PTPRD: variants seen among roughly 807,000 people sequenced by gnomAD.
The protein encoded by PTPRD is receptor-type tyrosine-protein phosphatase delta.
Under a neutral mutation model 214.5 loss-of-function variants are expected in PTPRD, and 34 were observed. The ratio of observed to expected loss-of-function variants is 0.16; its 90% CI spans 0.12 to 0.21. The LOEUF (loss-of-function observed/expected upper bound fraction) is 0.21. Among genes scored for constraint, PTPRD ranks in the 10% least tolerant of loss-of-function variants. The pLI is 1.00. For synonymous variants in PTPRD, 1,128 were observed against 845.7 expected, an observed-to-expected ratio of 1.33 and a Z score of -5.79; for missense variants, 2,545 against 2,398.7, an observed-to-expected ratio of 1.06 and a Z score of -1.27.
chr9:8,871,804 T>G (rs907751515), intron 11 of PTPRD, among the ~76,000 whole-genome samples: 7 of 152,136 alleles, frequency 4.6e-5, no homozygotes, highest in African/African-American at 1.7e-4. Context: ...TAGCTTAACT[T>G]AATTCAAAAT....
At chr9:9,117,613 G>A (rs1336157778) in intron 10 of PTPRD, among the ~76,000 whole-genome samples, 1 of 152,048 alleles carries the variant, frequency 6.6e-6, no homozygotes, top group African/African-American at 2.4e-5. Context: ...CAAGAGCCAT[G>A]CAGCAACCTC....
chr9:9,490,333 A>T (rs535466810), intron 8 of PTPRD, among the ~76,000 whole-genome samples: 1 of 152,236 alleles, frequency 6.6e-6, no homozygotes, highest in African/African-American at 2.4e-5. Flanking sequence ...ATCTCAATAT[A>T]GATAAATATA....
At chr9:8,723,553 C>A (rs1244188894) in intron 12 of PTPRD, among the ~76,000 whole-genome samples, 2 of 152,170 alleles carry the variant, frequency 1.3e-5, no homozygotes, top group African/African-American at 2.4e-5. Context: ...TGGAGGCACA[C>A]TGTAGTCATG....
intron 4 of PTPRD, among the ~76,000 whole-genome samples, chr9:10,000,655 A>C (rs555782017): frequency 3.3e-5 from 5 of 152,344 alleles, no homozygotes; most frequent in South Asian, 2.1e-4. Context: ...TTTTCTTTTA[A>C]TAAAAACAGC....
intron 10 of PTPRD, among the ~76,000 whole-genome samples, chr9:9,146,286 G>A (rs934760802): frequency 2.0e-5 from 3 of 151,990 alleles, no homozygotes; most frequent in Admixed American, 1.3e-4. Context: ...CTACTGTCAA[G>A]CTCAATTACA....
intron 7 of PTPRD, among the ~76,000 whole-genome samples, chr9:9,653,348 C>CAAAAAAAAAAAAAA (rs1175875551): frequency 3.1e-5 from 1 of 32,506 alleles, no homozygotes; most frequent in African/African-American, 1.0e-4. Flanking sequence ...GACTCCGTCT[C>CAAAAAAAAAAAAAA]AAAAAAAAAA....
At chr9:9,883,485 G>T (rs2069564183) in intron 5 of PTPRD, among the ~76,000 whole-genome samples, 1 of 152,072 alleles carries the variant, frequency 6.6e-6, no homozygotes, top group Non-Finnish European at 1.5e-5. Flanking sequence ...GCAATCAGGG[G>T]ATACTAAATG....
At chr9:9,703,090 A>C (rs2097533876) in intron 7 of PTPRD, among the ~76,000 whole-genome samples, 3 of 152,096 alleles carry the variant, frequency 2.0e-5, no homozygotes, top group South Asian at 4.2e-4. Flanking sequence ...AGGTGATTGG[A>C]TGGTGGGGGC....
chr9:10,511,547 G>C (rs565473181), intron 2 of PTPRD, among the ~76,000 whole-genome samples: 6 of 149,078 alleles, frequency 4.0e-5, no homozygotes, highest in Non-Finnish European at 8.9e-5. Context: ...AGGACTACAG[G>C]TGTGCGCCAC....
chr9:9,913,117 T>C (rs1397743815), intron 5 of PTPRD, among the ~76,000 whole-genome samples: 1 of 148,490 alleles, frequency 6.7e-6, no homozygotes, highest in East Asian at 1.9e-4. Flanking sequence ...TGTGACAATA[T>C]AGCTCCAATA....
At position 9,145,771 on chromosome 9, in the gene PTPRD, T is replaced by C. The variant is rs182677623; in HGVS notation, c.-143+37533A>G. Among the ~76,000 whole-genome samples, 54 of 152,330 alleles carry C rather than the reference T, an allele frequency of 3.5e-4. No individual in the cohort carries two copies. The East Asian group carries it at 6.4e-3, about 18-fold the overall frequency. ...GGATCTTGGTCAGAGATTGGGACTATGGCCATATACTTTTTCCTTGTTCAA... is the reference window on the plus strand; with the variant it reads ...GGATCTTGGTCAGAGATTGGGACTACGGCCATATACTTTTTCCTTGTTCAA... On this transcript the variant is annotated intron_variant, in intron 10 of 45. Transcript: ENST00000381196.
chr9:10,380,262 G>A (rs777452483), intron 2 of PTPRD, among the ~76,000 whole-genome samples: 4 of 151,952 alleles, frequency 2.6e-5, no homozygotes, highest in African/African-American at 7.2e-5. Context: ...TTCCTAAAAC[G>A]CTTTGCTATG....
chr9:9,355,224 A>G (rs1359794059), intron 9 of PTPRD, among the ~76,000 whole-genome samples: 2 of 151,706 alleles, frequency 1.3e-5, no homozygotes, highest in African/African-American at 4.8e-5. Flanking sequence ...TATACCAATT[A>G]TACCTCGAAA....
intron 12 of PTPRD, among the ~76,000 whole-genome samples, chr9:8,658,257 T>C (rs1276852919): frequency 1.3e-5 from 2 of 152,198 alleles, no homozygotes; most frequent in Non-Finnish European, 2.9e-5. Context: ...CCTATTATTA[T>C]GGAAGTTTAT....
intron 4 of PTPRD, among the ~76,000 whole-genome samples, chr9:9,969,289 C>T (rs185383721): frequency 6.6e-6 from 1 of 152,262 alleles, no homozygotes; most frequent in Admixed American, 6.5e-5. Context: ...TGAAGCTGAA[C>T]ACTAGCAAGG....
intron 2 of PTPRD, among the ~76,000 whole-genome samples, chr9:10,382,320 G>T (rs1259016535): frequency 6.6e-6 from 1 of 151,812 alleles, no homozygotes; most frequent in Non-Finnish European, 1.5e-5. Flanking sequence ...ACACATATCA[G>T]TCTAGCTTAT....
chr9:8,748,018 C>T (rs996300830), intron 11 of PTPRD, among the ~76,000 whole-genome samples: 2 of 152,100 alleles, frequency 1.3e-5, no homozygotes, highest in Non-Finnish European at 2.9e-5. Flanking sequence ...AGATCTACCG[C>T]GGACCCCTGG....
chr9:8,543,735 C>A (rs1412947990), intron 14 of PTPRD, among the ~76,000 whole-genome samples: 1 of 152,120 alleles, frequency 6.6e-6, no homozygotes, highest in African/African-American at 2.4e-5. Flanking sequence ...CTTTTTGAGA[C>A]AGAGTCTTGC....
At chr9:9,337,366 A>T (rs1251707476) in intron 9 of PTPRD, among the ~76,000 whole-genome samples, 2 of 152,162 alleles carry the variant, frequency 1.3e-5, no homozygotes, top group Non-Finnish European at 2.9e-5. Context: ...TTGTACTTCT[A>T]TCTTCAAAAA....
Sources: allele counts gnomAD v4.1 joint callset (sites outside exome capture counted in the v4.1 genomes callset), GRCh38; gene constraint gnomAD v4.1.1; transcripts MANE v1.5; gene names NCBI Gene and HGNC (gene_info 2026-07-23, HGNC 2026-07-21).